Variants in PALM2AKAP2 observed in about 807,000 individuals in gnomAD.
The protein encoded by PALM2AKAP2 is PALM2 and AKAP2 fusion.
A neutral mutation model predicts 71.5 loss-of-function variants in PALM2AKAP2; 37 were observed. That is an observed-to-expected ratio of 0.52 (90% CI 0.40 to 0.68). The LOEUF (loss-of-function observed/expected upper bound fraction) is 0.68. PALM2AKAP2 is among the 30% of genes least tolerant of loss of function. The pLI, the probability that PALM2AKAP2 is intolerant of heterozygous loss-of-function variation, is 0.00. For synonymous variants in PALM2AKAP2, 468 were observed against 478.8 expected (o/e 0.98, Z 0.29); for missense variants, 1,224 against 1,191.8 (o/e 1.03, Z -0.40).
intron 5 of PALM2AKAP2, among the ~76,000 whole-genome samples, chr9:109,925,993 G>A (rs546820782): frequency 1.3e-5 from 2 of 152,238 alleles, no homozygotes; most frequent in East Asian, 1.9e-4. Context: ...GATCCCTTGA[G>A]CCCAGAAGTT....
intron 1 of PALM2AKAP2, among the ~76,000 whole-genome samples, chr9:110,069,778 C>A (rs2118578343): frequency 6.6e-6 from 1 of 152,328 alleles, no homozygotes; most frequent in South Asian, 2.1e-4. Flanking sequence ...GGAGGTGGAG[C>A]TGCAACAGAG....
intron 1 of PALM2AKAP2, among the ~76,000 whole-genome samples, chr9:109,733,391 G>C (rs192174341): frequency 6.6e-6 from 1 of 152,286 alleles, no homozygotes; most frequent in Admixed American, 6.5e-5. Context: ...CAATACTTTA[G>C]GGTGAGTAGA....
At chr9:109,698,887 A>G (rs572255199) in intron 1 of PALM2AKAP2, among the ~76,000 whole-genome samples, 27 of 152,344 alleles carry the variant, frequency 1.8e-4, no homozygotes, top group African/African-American at 6.3e-4. Flanking sequence ...AGAGTCAGAG[A>G]GTAAGTAAAT....
intron 6 of PALM2AKAP2, among the ~76,000 whole-genome samples, chr9:110,001,959 A>C (rs1191990672): frequency 1.3e-5 from 2 of 152,196 alleles, no homozygotes; most frequent in African/African-American, 2.4e-5. Context: ...GTCATCTGCA[A>C]ACAGGGACAA....
chr9:110,155,025 G>A (rs928641343), intron 2 of PALM2AKAP2, among the ~76,000 whole-genome samples: 13 of 152,350 alleles, frequency 8.5e-5, no homozygotes, highest in African/African-American at 2.9e-4. Flanking sequence ...TACTGGAAGA[G>A]CAGGAGTTAA....
chr9:109,876,540 G>C (rs576616046), intron 2 of PALM2AKAP2, among the ~76,000 whole-genome samples: 1 of 152,004 alleles, frequency 6.6e-6, no homozygotes, highest in Admixed American at 6.6e-5. Flanking sequence ...GTGCAGTGGC[G>C]TGATCTTCGG....
intron 1 of PALM2AKAP2, among the ~76,000 whole-genome samples, chr9:109,823,603 A>G (rs2131502221): frequency 6.6e-6 from 1 of 152,292 alleles, no homozygotes; most frequent in East Asian, 1.9e-4. Flanking sequence ...GGCTGGAGAT[A>G]CAGAAGAACC....
At chr9:110,120,556 G>A (rs972732214) in intron 1 of PALM2AKAP2, among the ~76,000 whole-genome samples, 13 of 152,242 alleles carry the variant, frequency 8.5e-5, no homozygotes, top group Non-Finnish European at 4.4e-5. Context: ...AGGCTGGAGT[G>A]CAGTGGTGCG....
At chr9:109,796,577 T>C (rs1268582420) in intron 1 of PALM2AKAP2, among the ~76,000 whole-genome samples, 1 of 152,166 alleles carries the variant, frequency 6.6e-6, no homozygotes, top group Non-Finnish European at 1.5e-5. Flanking sequence ...GACTGGGTAA[T>C]TTGTAAAGGG....
Position 110,134,558 on chromosome 9 carries a change from A to G in PALM2AKAP2, c.157-1569A>G, listed in dbSNP as rs146294717. Among the ~76,000 whole-genome samples, 81 of 152,344 alleles carry G rather than the reference A, an allele frequency of 5.3e-4. No individual in the cohort carries two copies. The Middle Eastern group carries it at 0.017, about 32-fold the overall frequency. ...AAGAGTGAAGGAAACCCCCCAGTTC[A>G]TGGATAACTCAGAGAGTTTTTCAAC... On this transcript the variant is annotated intron_variant, in intron 1 of 3. Coordinates refer to ENST00000374525, the Ensembl canonical transcript of PALM2AKAP2.
At chr9:109,950,478 A>G (rs1005261653) in intron 6 of PALM2AKAP2, among the ~76,000 whole-genome samples, 1 of 151,330 alleles carries the variant, frequency 6.6e-6, no homozygotes, top group Middle Eastern at 3.4e-3. Flanking sequence ...CTTCCCTATC[A>G]CACTCAGTTT....
chr9:109,928,133 A>G (rs148415542), intron 5 of PALM2AKAP2, among the ~76,000 whole-genome samples: 24 of 151,852 alleles, frequency 1.6e-4, no homozygotes, highest in African/African-American at 5.6e-4. Context: ...ATGGAGTTTC[A>G]CTCTTGTCGC....
At chr9:109,966,150 G>T (rs1348824693) in intron 6 of PALM2AKAP2, among the ~76,000 whole-genome samples, 2 of 152,184 alleles carry the variant, frequency 1.3e-5, no homozygotes, top group African/African-American at 2.4e-5. Context: ...GGGCAGGGAG[G>T]ATGAAAAGAT....
At chr9:109,769,926 C>T (rs1462347184) in intron 1 of PALM2AKAP2, among the ~76,000 whole-genome samples, 1 of 152,126 alleles carries the variant, frequency 6.6e-6, no homozygotes, top group Non-Finnish European at 1.5e-5. Context: ...CGGGTGAAGG[C>T]TGTTCTCCCT....
At chr9:109,920,406 C>G (rs1162949998) in intron 3 of PALM2AKAP2, among the ~76,000 whole-genome samples, 1 of 148,332 alleles carries the variant, frequency 6.7e-6, no homozygotes, top group Non-Finnish European at 1.5e-5. Flanking sequence ...GAGTCACACT[C>G]TGTTGCCCAG....
At chr9:109,832,830 A>C (rs958929173) in intron 1 of PALM2AKAP2, among the ~76,000 whole-genome samples, 1 of 152,170 alleles carries the variant, frequency 6.6e-6, no homozygotes, top group Non-Finnish European at 1.5e-5. Flanking sequence ...CAAATCTCTG[A>C]GCCCCACCCT....
chr9:109,866,349 C>T (rs1829447948), intron 1 of PALM2AKAP2, among the ~76,000 whole-genome samples: 3 of 152,160 alleles, frequency 2.0e-5, no homozygotes, highest in African/African-American at 7.2e-5. Context: ...TTTCTCCCTG[C>T]ATATGTGAGT....
At chr9:110,009,966 G>A (rs1027237947) in intron 6 of PALM2AKAP2, among the ~76,000 whole-genome samples, 1 of 152,180 alleles carries the variant, frequency 6.6e-6, no homozygotes, top group African/African-American at 2.4e-5. Context: ...AGCACGCCCT[G>A]TGAATGGAGA....
chr9:109,998,784 G>GAAAAAAAA (rs1564252217), intron 6 of PALM2AKAP2, among the ~76,000 whole-genome samples: 1 of 130,176 alleles, frequency 7.7e-6, no homozygotes, highest in African/African-American at 2.9e-5. Context: ...AAAAAAAAAG[G>GAAAAAAAA]GGGGATAGTC....
Sources: gnomAD v4.1 joint callset for allele counts (sites outside exome capture counted in the v4.1 genomes callset) on GRCh38, gnomAD v4.1.1 for gene constraint, MANE v1.5 for transcripts, NCBI Gene and HGNC (gene_info 2026-07-23, HGNC 2026-07-21) for gene names.